The following C12orf54 variants were observed in gnomAD, a reference collection of about 807,000 sequenced individuals.
C12orf54 encodes the protein chromosome 12 open reading frame 54, also known as uncharacterized protein C12orf54.
C12orf54 carries 24 observed loss-of-function variants against 26.4 expected under a neutral mutation model. That is an observed-to-expected ratio of 0.91 (90% CI 0.66 to 1.28). The LOEUF is 1.28. Among genes scored for constraint, C12orf54 ranks in the 50% most tolerant of loss-of-function variants. The probability of loss-of-function intolerance (pLI) is 0.00; values close to 1 mark genes in which losing one functional copy is unlikely to be tolerated. For missense variants in C12orf54, 154 were observed against 150.9 expected (o/e 1.02, Z -0.11); for synonymous variants, 54 against 47.0 (o/e 1.15, Z -0.61).
chr12:48,459,940 C>T, the C12orf54 span, among the ~76,000 whole-genome samples: 2 of 152,216 alleles, frequency 1.3e-5, no homozygotes, highest in Admixed American at 6.5e-5. Flanking sequence ...ATATGAATGA[C>T]CTCAGTTACT....
the C12orf54 span, among the ~76,000 whole-genome samples, chr12:48,463,370 C>A: frequency 6.6e-6 from 1 of 151,890 alleles, no homozygotes; most frequent in Non-Finnish European, 1.5e-5. Flanking sequence ...CAAGACTGAA[C>A]CAGGAAGAAA....
chr12:48,494,917 C>G lies in C12orf54; in HGVS notation c.362C>G (p.Ser121Ter), dbSNP rs768322460. ...HNLKTQLFSQ[S>*]AYYPGP ...CTGAAGACACAGCTCTTCAGTCAATCAGCTTACTACCCTGGACCCTAACTC... is the reference window on the plus strand; with the variant it reads ...CTGAAGACACAGCTCTTCAGTCAATGAGCTTACTACCCTGGACCCTAACTC... The change falls in exon 8 of 9, where the codon TCA becomes TGA. Residue 121 changes from serine (S) to a stop codon, truncating the protein, a stop_gained. Transcript: ENST00000548364. LOFTEE classifies it high-confidence loss of function. 2.5e-6 allele frequency: 4 copies of G among 1,613,306 alleles called. No homozygotes were observed. The highest frequency in any genetic ancestry group is 2.5e-6 in the Non-Finnish European group (3 of 1,179,208).
the C12orf54 span, among the ~76,000 whole-genome samples, chr12:48,440,380 T>A: frequency 1.3e-5 from 2 of 152,210 alleles, no homozygotes; most frequent in African/African-American, 4.8e-5. Flanking sequence ...TTAGAAAGAA[T>A]AACTAATTTT....
chr12:48,452,561 TAGAC>T, the C12orf54 span, among the ~76,000 whole-genome samples: 19,551 of 151,882 alleles, frequency 0.13, 1,615 homozygotes, highest in Non-Finnish European at 0.2. Context: ...ACAGAGTAAA[TAGAC>T]AGCCTACAGA....
the C12orf54 span, among the ~76,000 whole-genome samples, chr12:48,447,089 A>G: frequency 6.6e-6 from 1 of 152,090 alleles, no homozygotes; most frequent in Non-Finnish European, 1.5e-5. Flanking sequence ...ACAGGGAGTT[A>G]TTTTTTATTC....
the C12orf54 span, among the ~76,000 whole-genome samples, chr12:48,460,978 G>T: frequency 2.0e-5 from 3 of 151,922 alleles, no homozygotes; most frequent in African/African-American, 7.2e-5. Context: ...AACCAGATTT[G>T]ATTTTTTAAA....
the C12orf54 span, among the ~76,000 whole-genome samples, chr12:48,451,400 G>T: frequency 6.6e-6 from 1 of 152,066 alleles, no homozygotes; most frequent in African/African-American, 2.4e-5. Context: ...ATGGGCAAAA[G>T]CTGGAAGCAT....
chr12:48,463,611 TA>T, the C12orf54 span, among the ~76,000 whole-genome samples: 103 of 138,620 alleles, frequency 7.4e-4, no homozygotes, highest in Non-Finnish European at 6.7e-4. Context: ...GGACACAGTA[TA>T]AAAAAAAAAA....
chr12:48,446,432 C>T, the C12orf54 span, among the ~76,000 whole-genome samples: 1 of 152,110 alleles, frequency 6.6e-6, no homozygotes, highest in Non-Finnish European at 1.5e-5. Flanking sequence ...TTTCTCTATG[C>T]CTGTTAATAT....
At chr12:48,449,398 C>T in the C12orf54 span, among the ~76,000 whole-genome samples, 2 of 152,104 alleles carry the variant, frequency 1.3e-5, no homozygotes, top group Non-Finnish European at 2.9e-5. Context: ...TTTTTTGTCA[C>T]ATAATATTAC....
At chr12:48,494,714 C>G in intron 7 of C12orf54, 84 bp from the exon 8 acceptor site, 1 of 1,423,988 alleles carries the variant, frequency 7.0e-7, no homozygotes, top group Admixed American at 1.8e-5. Context: ...AATAGAATCT[C>G]TAAGGGCAGT....
At chr12:48,457,174 G>A in the C12orf54 span, among the ~76,000 whole-genome samples, 1 of 152,048 alleles carries the variant, frequency 6.6e-6, no homozygotes, top group Non-Finnish European at 1.5e-5. Flanking sequence ...GACCAAGCTG[G>A]GGGTGGTATA....
intron 5 of C12orf54, among the ~76,000 whole-genome samples, chr12:48,490,092 T>TG: frequency 6.6e-6 from 1 of 151,970 alleles, no homozygotes; most frequent in East Asian, 1.9e-4. Flanking sequence ...GGAGACTCAA[T>TG]GAGGAGTGTA....
chr12:48,447,430 T>A, the C12orf54 span, among the ~76,000 whole-genome samples: 1 of 152,124 alleles, frequency 6.6e-6, no homozygotes, highest in African/African-American at 2.4e-5. Flanking sequence ...AGAGAAGACA[T>A]CTCTTCTCAA....
rs1464361092 is a variant in C12orf54 at position 48,489,708 on chromosome 12, C to G, written c.168+752C>G. 3.3e-5 allele frequency among the ~76,000 whole-genome samples: 5 copies of G among 150,934 alleles called. No individual in the cohort carries two copies. In the South Asian group the frequency reaches 8.4e-4, roughly 25 times the overall value. ...CTGGGATTACAGGCATGAGGCATTGCGCCCAGCCTAAGAAGGATTTTTTTT... is the reference window on the plus strand; with the variant it reads ...CTGGGATTACAGGCATGAGGCATTGGGCCCAGCCTAAGAAGGATTTTTTTT... On this transcript the variant is annotated intron_variant, in intron 5 of 8. Coordinates refer to ENST00000548364, the MANE Select transcript of C12orf54 (RefSeq NM_152319.4).
At chr12:48,428,503 T>C in the C12orf54 span, among the ~76,000 whole-genome samples, 14 of 151,820 alleles carry the variant, frequency 9.2e-5, no homozygotes, top group Non-Finnish European at 2.1e-4. Context: ...ACTGACACCA[T>C]AGAAATACAA....
At chr12:48,440,589 G>T in the C12orf54 span, among the ~76,000 whole-genome samples, 1 of 152,296 alleles carries the variant, frequency 6.6e-6, no homozygotes, top group African/African-American at 2.4e-5. Context: ...AGGGCCAAGC[G>T]GCAGAGCTAC....
chr12:48,471,974 A>C, the C12orf54 span, among the ~76,000 whole-genome samples: 1 of 152,138 alleles, frequency 6.6e-6, no homozygotes, highest in Non-Finnish European at 1.5e-5. Context: ...CAATTCATGA[A>C]CATGGGATGT....
the C12orf54 span, among the ~76,000 whole-genome samples, chr12:48,454,118 A>C: frequency 5.0e-5 from 4 of 80,358 alleles, no homozygotes; most frequent in African/African-American, 5.4e-5. Context: ...TTTTTTTTTG[A>C]GACGGAGTCT....
Sources: allele counts gnomAD v4.1 joint callset (sites outside exome capture counted in the v4.1 genomes callset), GRCh38; gene constraint gnomAD v4.1.1; transcripts MANE v1.5; gene names NCBI Gene and HGNC (gene_info 2026-07-23, HGNC 2026-07-21).